PTGER2: variants seen among roughly 807,000 people sequenced by gnomAD.
PTGER2 encodes prostaglandin E receptor 2.
A neutral mutation model predicts 26.2 loss-of-function variants in PTGER2; 22 were observed. The ratio of observed to expected loss-of-function variants is 0.84; its 90% CI spans 0.60 to 1.20. The LOEUF (loss-of-function observed/expected upper bound fraction) is 1.20, where lower values mean the gene tolerates loss of function less well. Among genes scored for constraint, PTGER2 ranks in the 50% most tolerant of loss-of-function variants. The pLI, the probability that PTGER2 is intolerant of heterozygous loss-of-function variation, is 0.00. For synonymous variants in PTGER2, 219 were observed against 208.9 expected, an observed-to-expected ratio of 1.05 and a Z score of -0.42; for missense variants, 458 against 475.2, an observed-to-expected ratio of 0.96 and a Z score of 0.34.
intron 1 of PTGER2, among the ~76,000 whole-genome samples, chr14:52,317,955 T>C (rs2033857812): frequency 6.6e-6 from 1 of 152,260 alleles, no homozygotes; most frequent in South Asian, 2.1e-4. Context: ...TGCTAGTATC[T>C]TTCACTTACA....
intron 1 of PTGER2, among the ~76,000 whole-genome samples, chr14:52,323,187 C>T (rs1192271046): frequency 6.6e-6 from 1 of 152,148 alleles, no homozygotes; most frequent in South Asian, 2.1e-4. Flanking sequence ...CTTCCTGCAA[C>T]ATCTGGGGAA....
Position 52,319,427 on chromosome 14 carries a change from A to G in PTGER2, c.843+4036A>G, listed in dbSNP as rs185878483. Among the ~76,000 whole-genome samples the G allele has an allele frequency of 1.5e-3, 222 of 152,370 alleles. 3 individuals carry two copies. Among genetic ancestry groups the G allele is most frequent in the Non-Finnish European group, 5.9e-4 (40 of 68,040 alleles). On this transcript the variant is annotated intron_variant, in intron 1 of 1. Coordinates refer to ENST00000245457, the MANE Select transcript of PTGER2 (RefSeq NM_000956.4). The stretch of plus-strand genomic sequence containing the variant: ...AAATAAAACATCTCTTAAGTGACCA[A>G]AAACCATGTGGTGTTTGGGAAATGA...
At position 52,314,907 on chromosome 14, in the gene PTGER2, GC is replaced by G; in HGVS notation, c.361del (p.Leu121TrpfsTer149). On this transcript the variant is annotated frameshift_variant, in exon 1 of 2. Coordinates refer to ENST00000245457, the MANE Select transcript of PTGER2 (RefSeq NM_000956.4). LOFTEE classifies it high-confidence loss of function. The surrounding 1 kb of genome is among the most constrained non-coding windows in gnomAD (Gnocchi z 5.7). ...TYFAFAMTFF[S>X]LATMLMLFAM... is the part of the protein sequence containing the mutation. ...TTCGCTTTCGCCATGACCTTCTTCA[GC>G]CTGGCCACGATGCTCATGCTCTTCG... 1 of 1,612,796 alleles carries G rather than the reference GC, an allele frequency of 6.2e-7. No individual in the cohort carries two copies. Among genetic ancestry groups the G allele is most frequent in the Non-Finnish European group, 8.5e-7 (1 of 1,179,788 alleles).
In PTGER2 at chr14:52,314,793, C is replaced by A; in HGVS notation, c.245C>A (p.Thr82Asn). Residue 82 changes from threonine to asparagine, a missense_variant, in exon 1 of 2, where the codon ACC becomes AAC. By Grantham distance (65) the Thr-to-Asn change is moderately conservative. Coordinates refer to ENST00000245457, the MANE Select transcript of PTGER2 (RefSeq NM_000956.4). The surrounding 1 kb of genome is among the most constrained non-coding windows in gnomAD (Gnocchi z 5.7). Reference protein sequence around the residue: ...TELVFTDLLGTCLISPVVLAS... With the variant: ...TELVFTDLLGNCLISPVVLAS... Reference sequence around the variant, plus strand: ...CTGGTGTTCACCGACCTGCTCGGGACCTGCCTCATCAGCCCAGTGGTACTG... The same window carrying A: ...CTGGTGTTCACCGACCTGCTCGGGAACTGCCTCATCAGCCCAGTGGTACTG... 1 of 1,612,682 alleles carries A rather than the reference C, an allele frequency of 6.2e-7. No homozygotes were observed. Among genetic ancestry groups the A allele is most frequent in the Non-Finnish European group, 8.5e-7 (1 of 1,179,604 alleles).
intron 1 of PTGER2, among the ~76,000 whole-genome samples, chr14:52,317,253 G>A (rs530341625): frequency 1.3e-5 from 2 of 152,228 alleles, no homozygotes; most frequent in Admixed American, 6.5e-5. Flanking sequence ...TGGGTTTGGG[G>A]TGATAACACA....
In PTGER2 at chr14:52,314,932, C is replaced by G. The variant is rs776952239; in HGVS notation, c.384C>G (p.Phe128Leu). ...GCCTGGCCACGATGCTCATGCTCTTCGCCATGGCCCTGGAGCGCTACCTCT... is the reference window on the plus strand; with the variant it reads ...GCCTGGCCACGATGCTCATGCTCTTGGCCATGGCCCTGGAGCGCTACCTCT... ...FFSLATMLML[F>L]AMALERYLSI... Residue 128 changes from phenylalanine (F) to leucine (L), a missense_variant, in exon 1 of 2, where the codon TTC becomes TTG. Coordinates refer to ENST00000245457, the MANE Select transcript of PTGER2 (RefSeq NM_000956.4). The surrounding 1 kb of genome is among the most constrained non-coding windows in gnomAD (Gnocchi z 5.7). 2.5e-6 allele frequency: 4 copies of G among 1,612,724 alleles called. No homozygotes were observed. Among genetic ancestry groups the G allele is most frequent in the Non-Finnish European group, 3.4e-6 (4 of 1,179,714 alleles).
intron 1 of PTGER2, among the ~76,000 whole-genome samples, chr14:52,320,889 C>G (rs535930389): frequency 2.2e-4 from 33 of 152,304 alleles, no homozygotes; most frequent in Admixed American, 1.8e-3. Context: ...GGTCCATAAC[C>G]TGTGCTGCAT....
chr14:52,319,206 A>G (rs1292213793), intron 1 of PTGER2, among the ~76,000 whole-genome samples: 1 of 152,240 alleles, frequency 6.6e-6, no homozygotes, highest in East Asian at 1.9e-4. Context: ...TTTAAAAATA[A>G]AATGGCAAAG....
rs757960785 is a variant in PTGER2 at position 52,314,743 on chromosome 14, C to T, written c.195C>T (p.Ser65=). 33 of 1,599,794 alleles carry T rather than the reference C, an allele frequency of 2.1e-5. No homozygotes were observed. Among genetic ancestry groups the T allele is most frequent in the Non-Finnish European group, 2.6e-5 (31 of 1,170,456 alleles). ...GCGCCGGCCGCAGGAGCTCCCTCTC[C>T]TTGTTCCACGTGCTGGTGACCGAGC... ...GCSAGRRSSL[S]LFHVLVTELV... The change falls in exon 1 of 2, where the codon TCC becomes TCT. Residue 65 remains serine, a synonymous_variant. Coordinates refer to ENST00000245457, the MANE Select transcript of PTGER2 (RefSeq NM_000956.4). This position sits in a 1 kb window ranked among gnomAD's most constrained non-coding sequence, Gnocchi z 5.7.
At position 52,327,506 on chromosome 14, in the gene PTGER2, A is replaced by G. The variant is rs746872008; in HGVS notation, c.*52A>G. ...ATATAGCATCTGGAAGATCATTTTG[A>G]AATTGTTCCTTGGAGAAATGAAAAC... On this transcript the variant is annotated 3_prime_UTR_variant, in exon 2 of 2. Coordinates refer to ENST00000245457, the MANE Select transcript of PTGER2 (RefSeq NM_000956.4). 7.1e-7 allele frequency: 1 copy of G among 1,405,188 alleles called. No individual in the cohort carries two copies. The highest frequency in any genetic ancestry group is 1.2e-5 in the South Asian group (1 of 80,614). The allele number at this position is 1,405,188 out of a possible 1,614,324, so 87.0% of individuals were successfully genotyped here.
intron 1 of PTGER2, among the ~76,000 whole-genome samples, chr14:52,325,717 ATTC>A (rs1174930825): frequency 6.6e-6 from 1 of 152,122 alleles, no homozygotes; most frequent in Non-Finnish European, 1.5e-5. Context: ...CCCACCATCA[ATTC>A]TTCTTTTTCC....
chr14:52,320,857 G>C (rs918998617), intron 1 of PTGER2, among the ~76,000 whole-genome samples: 4 of 152,194 alleles, frequency 2.6e-5, no homozygotes, highest in Non-Finnish European at 5.9e-5. Flanking sequence ...ATTTAGAAAG[G>C]CTGAAAGTTC....
At position 52,314,532 on chromosome 14, in the gene PTGER2, T is replaced by C. The variant is rs2140032994; in HGVS notation, c.-17T>C. 2 of 1,475,200 alleles carry C rather than the reference T, an allele frequency of 1.4e-6. No homozygotes were observed. Among genetic ancestry groups the C allele is most frequent in the Non-Finnish European group, 1.8e-6 (2 of 1,114,102 alleles). 91.4% of individuals were successfully genotyped at this position (1,475,200 alleles called of 1,614,324 possible). The stretch of plus-strand genomic sequence containing the variant: ...GGCCGGGAGAGGAGGGCGCATCTCT[T>C]TTCCAGGCACCCCACCATGGGCAAT... On this transcript the variant is annotated 5_prime_UTR_variant, in exon 1 of 2. Transcript: ENST00000245457. This position sits in a 1 kb window ranked among gnomAD's most constrained non-coding sequence, Gnocchi z 5.7.
chr14:52,326,588 A>C (rs2033953518), intron 1 of PTGER2, among the ~76,000 whole-genome samples: 1 of 152,322 alleles, frequency 6.6e-6, no homozygotes, highest in South Asian at 2.1e-4. Context: ...TTGATCTCAA[A>C]CTATATACAG....
intron 1 of PTGER2, 81 bp from the exon 2 acceptor site, chr14:52,327,140 C>A: frequency 9.5e-7 from 1 of 1,057,574 alleles, no homozygotes; most frequent in Non-Finnish European, 1.4e-6. Context: ...GCTTTTAAAT[C>A]TCAAGACATA....
At chr14:52,317,647 G>T (rs1000918468) in intron 1 of PTGER2, among the ~76,000 whole-genome samples, 24 of 152,066 alleles carry the variant, frequency 1.6e-4, no homozygotes, top group Non-Finnish European at 3.2e-4. Context: ...TATGGCTTAG[G>T]GGGAGCCAGA....
chr14:52,314,694 G>T lies in PTGER2; in HGVS notation c.146G>T (p.Arg49Leu), dbSNP rs1370671807. Residue 49 changes from arginine to leucine, a missense_variant, in exon 1 of 2, where the codon CGC becomes CTC. Transcript: ENST00000245457. This position sits in a 1 kb window ranked among gnomAD's most constrained non-coding sequence, Gnocchi z 5.7. The stretch of plus-strand genomic sequence containing the variant: ...ATAGCACTGGCGCTGCTGGCGCGCC[G>T]CTGGCGGGGGGACGTGGGGTGCAGC... ...NLIALALLAR[R>L]WRGDVGCSAG... 1.3e-6 allele frequency: 2 copies of T among 1,552,086 alleles called. No homozygotes were observed. Among genetic ancestry groups the T allele is most frequent in the East Asian group, 2.3e-5 (1 of 44,108 alleles).
At chr14:52,323,154 G>T (rs1380838573) in intron 1 of PTGER2, among the ~76,000 whole-genome samples, 2 of 152,220 alleles carry the variant, frequency 1.3e-5, no homozygotes, top group Admixed American at 6.5e-5. Context: ...GCTCCAACCA[G>T]TCCTTCCATT....
At chr14:52,326,926 A>G (rs919133588) in intron 1 of PTGER2, among the ~76,000 whole-genome samples, 2 of 152,214 alleles carry the variant, frequency 1.3e-5, no homozygotes, top group Admixed American at 6.5e-5. Flanking sequence ...GATGACAAGA[A>G]AAGTTTATTT....
Sources: gnomAD v4.1 joint callset for allele counts (sites outside exome capture counted in the v4.1 genomes callset) on GRCh38, gnomAD v4.1.1 for gene constraint, Gnocchi (gnomAD v3.1) non-coding constraint, MANE v1.5 for transcripts, NCBI Gene and HGNC (gene_info 2026-07-23, HGNC 2026-07-21) for gene names.